ACTR3C: variants seen among roughly 807,000 people sequenced by gnomAD.
ACTR3C encodes actin-related protein 3C.
In ACTR3C, 18 loss-of-function variants were observed where a neutral mutation model predicts 26.3. The observed-to-expected ratio is 0.68, with a 90% CI of 0.47 to 1.01. The LOEUF (loss-of-function observed/expected upper bound fraction) is 1.01, where lower values mean the gene tolerates loss of function less well. Among genes scored for constraint, ACTR3C ranks in the 50% least tolerant of loss-of-function variants. ACTR3C has a pLI of 0.00. For missense variants in ACTR3C, 184 were observed against 250.7 expected, an observed-to-expected ratio of 0.73 and a Z score of 1.80; for synonymous variants, 55 against 94.5, an observed-to-expected ratio of 0.58 and a Z score of 2.42.
At chr7:150,079,394 G>T in the ACTR3C span, among the ~76,000 whole-genome samples, 2 of 152,254 alleles carry the variant, frequency 1.3e-5, no homozygotes, top group Non-Finnish European at 1.5e-5. Context: ...AGTCAGTCTC[G>T]CACGGCTGTT....
chr7:150,243,176 A>T (rs998329656), downstream of ACTR3C, among the ~76,000 whole-genome samples: 1 of 152,164 alleles, frequency 6.6e-6, no homozygotes, highest in African/African-American at 2.4e-5. Flanking sequence ...ATTCACTCAT[A>T]TGGCCTATTC....
At chr7:149,938,769 G>T in the ACTR3C span, among the ~76,000 whole-genome samples, 1 of 151,722 alleles carries the variant, frequency 6.6e-6, no homozygotes, top group Non-Finnish European at 1.5e-5. Flanking sequence ...CAGCAACAAT[G>T]CAATCATCTC....
the ACTR3C span, among the ~76,000 whole-genome samples, chr7:150,030,512 C>G: frequency 6.6e-6 from 1 of 152,112 alleles, no homozygotes; most frequent in Non-Finnish European, 1.5e-5. Context: ...CACTCAAAAG[C>G]ATTTCTGTAT....
chr7:150,137,450 C>T, the ACTR3C span, among the ~76,000 whole-genome samples: 11 of 152,304 alleles, frequency 7.2e-5, no homozygotes, highest in Admixed American at 4.6e-4. Context: ...TCCTTATGAG[C>T]GTGGCCACTC....
chr7:149,968,917 G>A, the ACTR3C span, among the ~76,000 whole-genome samples: 4 of 152,122 alleles, frequency 2.6e-5, no homozygotes, highest in Admixed American at 2.0e-4. Flanking sequence ...GCATCCCTCT[G>A]TGGAGACGTT....
chr7:150,221,869 G>A, the ACTR3C span, among the ~76,000 whole-genome samples: 4 of 151,846 alleles, frequency 2.6e-5, no homozygotes, highest in Non-Finnish European at 4.4e-5. Flanking sequence ...GTGGTGGCGG[G>A]TGCCGGTAGT....
the ACTR3C span, among the ~76,000 whole-genome samples, chr7:150,039,443 C>T: frequency 1.4e-5 from 1 of 71,642 alleles, no homozygotes; most frequent in African/African-American, 4.1e-5. Context: ...GGTGCCTCCC[C>T]CCCTGCGATG....
At chr7:149,956,934 C>A in the ACTR3C span, among the ~76,000 whole-genome samples, 1 of 152,130 alleles carries the variant, frequency 6.6e-6, no homozygotes, top group Non-Finnish European at 1.5e-5. Flanking sequence ...CTGCTTGCCG[C>A]TAGAACTCAA....
At chr7:150,161,889 T>G in the ACTR3C span, among the ~76,000 whole-genome samples, 1 of 151,910 alleles carries the variant, frequency 6.6e-6, no homozygotes, top group Non-Finnish European at 1.5e-5. Context: ...TTCCTGAGGC[T>G]TACTCTCTGC....
At chr7:149,973,623 A>T in the ACTR3C span, among the ~76,000 whole-genome samples, 12 of 152,206 alleles carry the variant, frequency 7.9e-5, no homozygotes, top group Admixed American at 7.8e-4. Flanking sequence ...TGATGTAATT[A>T]ATTGATATTG....
chr7:149,913,885 CCTTTTTTTTTTTT>C, the ACTR3C span, among the ~76,000 whole-genome samples: 1 of 74,658 alleles, frequency 1.3e-5, no homozygotes, highest in African/African-American at 5.7e-5. Flanking sequence ...CTCATATGTC[CCTTTTTTTTTTTT>C]TTTTTTTGAG....
the ACTR3C span, among the ~76,000 whole-genome samples, chr7:149,918,907 A>T: frequency 1.3e-5 from 2 of 152,136 alleles, no homozygotes; most frequent in Non-Finnish European, 2.9e-5. Context: ...GTGCCCATGT[A>T]CCTGTGGGAC....
At chr7:149,996,566 TAGC>T in the ACTR3C span, among the ~76,000 whole-genome samples, 13 of 151,348 alleles carry the variant, frequency 8.6e-5, no homozygotes, top group African/African-American at 2.4e-4. Context: ...TTTGTAAAAA[TAGC>T]AGTTCTGGTA....
chr7:149,984,860 G>T, the ACTR3C span, among the ~76,000 whole-genome samples: 1 of 152,166 alleles, frequency 6.6e-6, no homozygotes, highest in South Asian at 2.1e-4. Flanking sequence ...ATTGGAAAAT[G>T]TCGCTTCTGT....
chr7:149,914,775 C>T, the ACTR3C span, among the ~76,000 whole-genome samples: 84,448 of 151,722 alleles, frequency 0.56, 27,489 homozygotes, highest in Non-Finnish European at 0.71. Flanking sequence ...GATCTACTAT[C>T]ATTATTCTGA....
At chr7:150,060,029 A>C in the ACTR3C span, among the ~76,000 whole-genome samples, 1 of 152,382 alleles carries the variant, frequency 6.6e-6, no homozygotes, top group East Asian at 1.9e-4. Flanking sequence ...ATTAGTTAAC[A>C]AAATAAATTA....
At chr7:150,265,485 G>A (rs1290803388) in intron 6 of ACTR3C, among the ~76,000 whole-genome samples, 2 of 152,000 alleles carry the variant, frequency 1.3e-5, no homozygotes, top group African/African-American at 4.8e-5. Flanking sequence ...CCTGAGGTCA[G>A]GAGTTAGAGA....
chr7:149,931,751 A>G, the ACTR3C span, among the ~76,000 whole-genome samples: 4 of 151,962 alleles, frequency 2.6e-5, no homozygotes, highest in South Asian at 6.2e-4. Context: ...GGGTGCCAAC[A>G]GCAGAAGAAA....
At chr7:150,193,804 T>G in the ACTR3C span, among the ~76,000 whole-genome samples, 2 of 152,008 alleles carry the variant, frequency 1.3e-5, no homozygotes, top group Non-Finnish European at 2.9e-5. Context: ...TTCTTTCAGA[T>G]TTGGTGAGGT....
Sources: allele counts gnomAD v4.1 joint callset (sites outside exome capture counted in the v4.1 genomes callset), GRCh38; gene constraint gnomAD v4.1.1; transcripts MANE v1.5; gene names NCBI Gene and HGNC (gene_info 2026-07-23, HGNC 2026-07-21).